The following CDH12 variants were observed in gnomAD, a reference collection of about 807,000 sequenced individuals.
CDH12 encodes cadherin 12.
Under a neutral mutation model 74.1 loss-of-function variants are expected in CDH12, and 41 were observed. The ratio of observed to expected loss-of-function variants is 0.55; its 90% CI spans 0.43 to 0.72. The LOEUF is 0.72. CDH12 is among the 30% of genes least tolerant of loss of function. The pLI is 0.00. For synonymous variants in CDH12, 399 were observed against 355.0 expected (o/e 1.12, Z -1.39); for missense variants, 945 against 977.2 (o/e 0.97, Z 0.44).
At chr5:22,653,882 G>T (rs1014669710) in intron 1 of CDH12, among the ~76,000 whole-genome samples, 1 of 152,116 alleles carries the variant, frequency 6.6e-6, no homozygotes, top group African/African-American at 2.4e-5. Flanking sequence ...TCAAGTCTCC[G>T]AGCTTATCCC....
intron 3 of CDH12, among the ~76,000 whole-genome samples, chr5:22,295,568 T>C (rs1737585737): frequency 6.6e-6 from 1 of 152,170 alleles, no homozygotes; most frequent in South Asian, 2.1e-4. Context: ...CAAATATTTT[T>C]AGTATAGTGT....
At chr5:22,784,006 C>T (rs1190202560) in intron 1 of CDH12, among the ~76,000 whole-genome samples, 2 of 151,978 alleles carry the variant, frequency 1.3e-5, no homozygotes, top group African/African-American at 4.8e-5. Context: ...GGAAGAGTGT[C>T]TCTCATATTT....
At chr5:22,845,724 G>A (rs779402721) in intron 1 of CDH12, among the ~76,000 whole-genome samples, 3 of 152,092 alleles carry the variant, frequency 2.0e-5, no homozygotes, top group East Asian at 3.9e-4. Context: ...CTGGGTGAGC[G>A]CCAAGGCCTT....
At chr5:22,852,384 A>G (rs1737598016) in intron 1 of CDH12, among the ~76,000 whole-genome samples, 1 of 152,242 alleles carries the variant, frequency 6.6e-6, no homozygotes, top group Admixed American at 6.5e-5. Context: ...CCTATATCAC[A>G]CATATTTCCT....
chr5:21,760,306 C>T (rs1231563224), intron 13 of CDH12, among the ~76,000 whole-genome samples: 2 of 152,136 alleles, frequency 1.3e-5, no homozygotes, highest in South Asian at 2.1e-4. Flanking sequence ...CATTCAATTT[C>T]TCAGAGAGTC....
At chr5:22,406,532 C>CT (rs1742947497) in intron 2 of CDH12, among the ~76,000 whole-genome samples, 1 of 152,086 alleles carries the variant, frequency 6.6e-6, no homozygotes, top group Admixed American at 6.6e-5. Flanking sequence ...AAATATGACT[C>CT]TTTCCACCAG....
intron 6 of CDH12, among the ~76,000 whole-genome samples, chr5:21,954,706 TTTTA>T (rs1756015939): frequency 6.6e-6 from 1 of 152,094 alleles, no homozygotes; most frequent in African/African-American, 2.4e-5. Flanking sequence ...CTGTCTGCTT[TTTTA>T]TTGTAAAACA....
intron 4 of CDH12, among the ~76,000 whole-genome samples, chr5:22,127,331 G>T (rs923081888): frequency 5.3e-5 from 8 of 151,968 alleles, no homozygotes; most frequent in Non-Finnish European, 1.2e-4. Flanking sequence ...ACAAAAATTA[G>T]CTGGGCATGT....
intron 6 of CDH12, among the ~76,000 whole-genome samples, chr5:21,934,818 C>G (rs1355064640): frequency 6.6e-6 from 1 of 151,856 alleles, no homozygotes; most frequent in Non-Finnish European, 1.5e-5. Flanking sequence ...ACGGAGTATC[C>G]CTCTGTCACC....
At chr5:22,742,182 A>C (rs888443989) in intron 1 of CDH12, among the ~76,000 whole-genome samples, 1 of 150,402 alleles carries the variant, frequency 6.6e-6, no homozygotes, top group Non-Finnish European at 1.5e-5. Context: ...ACTCCATTTC[A>C]AAAAAAAAGA....
chr5:22,142,112 T>C (rs967171329), intron 4 of CDH12, among the ~76,000 whole-genome samples: 1 of 152,140 alleles, frequency 6.6e-6, no homozygotes, highest in Non-Finnish European at 1.5e-5. Flanking sequence ...AGGCACAAGA[T>C]GATTTTTGAA....
intron 1 of CDH12, among the ~76,000 whole-genome samples, chr5:22,728,972 T>C (rs1744298571): frequency 6.6e-6 from 1 of 151,876 alleles, no homozygotes; most frequent in African/African-American, 2.4e-5. Flanking sequence ...GATTAGCAAA[T>C]GTCTCCAAGG....
At chr5:22,250,120 C>A (rs543879691) in intron 3 of CDH12, among the ~76,000 whole-genome samples, 1 of 151,764 alleles carries the variant, frequency 6.6e-6, no homozygotes, top group African/African-American at 2.4e-5. Flanking sequence ...TGAGAAAGTG[C>A]AGAGAGTTTA....
In CDH12 at chr5:21,841,857, G is replaced by A. The variant is rs531431441; in HGVS notation, c.814+304C>T. 3.8e-3 allele frequency among the ~76,000 whole-genome samples: 467 copies of A among 122,148 alleles called. 4 individuals carry two copies. Among genetic ancestry groups the A allele is most frequent in the African/African-American group, 0.014 (452 of 32,170 alleles). The allele number at this position is 122,148 out of a possible 152,430, so 80.1% of individuals were successfully genotyped here. A position where few individuals can be genotyped will look rare whatever the true frequency, so the allele number is the denominator to read the frequency against. On this transcript the variant is annotated intron_variant, in intron 8 of 14. Coordinates refer to ENST00000382254, the MANE Select transcript of CDH12 (RefSeq NM_004061.5). The stretch of plus-strand genomic sequence containing the variant: ...GGAACATCACACTCTGGGGACTGTT[G>A]TGGGGTGGGGGGAGGGGGGAGGGAT...
At chr5:22,009,506 C>T (rs1737163423) in intron 5 of CDH12, among the ~76,000 whole-genome samples, 2 of 152,140 alleles carry the variant, frequency 1.3e-5, no homozygotes. Context: ...GTGATTAGAA[C>T]TGACGAGTAA....
intron 2 of CDH12, among the ~76,000 whole-genome samples, chr5:22,475,793 A>G (rs919649445): frequency 6.6e-6 from 1 of 152,122 alleles, no homozygotes; most frequent in Non-Finnish European, 1.5e-5. Flanking sequence ...CCCAAGAAAC[A>G]AGATATTCTA....
chr5:22,093,632 T>C (rs1743566974), intron 4 of CDH12, among the ~76,000 whole-genome samples: 2 of 152,150 alleles, frequency 1.3e-5, no homozygotes, highest in South Asian at 4.2e-4. Flanking sequence ...ACCTGGAGAA[T>C]GATTGCCAAC....
intron 3 of CDH12, among the ~76,000 whole-genome samples, chr5:22,324,848 T>C (rs1035526834): frequency 6.6e-6 from 1 of 152,114 alleles, no homozygotes; most frequent in Non-Finnish European, 1.5e-5. Flanking sequence ...TAATTTGTAA[T>C]CAAATATAAT....
intron 3 of CDH12, among the ~76,000 whole-genome samples, chr5:22,404,585 C>T (rs1457942362): frequency 6.6e-6 from 1 of 152,092 alleles, no homozygotes; most frequent in Non-Finnish European, 1.5e-5. Flanking sequence ...CTATAACAGC[C>T]ATGGCTTTCT....
Sources: gnomAD v4.1 joint callset for allele counts (sites outside exome capture counted in the v4.1 genomes callset) on GRCh38, gnomAD v4.1.1 for gene constraint, MANE v1.5 for transcripts, NCBI Gene and HGNC (gene_info 2026-07-23, HGNC 2026-07-21) for gene names.